UBXN2B: variants seen among roughly 807,000 people sequenced by gnomAD.
The protein encoded by UBXN2B is UBX domain-containing protein 2B.
A neutral mutation model predicts 37.5 loss-of-function variants in UBXN2B; 19 were observed. That is an observed-to-expected ratio of 0.51 (90% CI 0.35 to 0.74). The LOEUF (loss-of-function observed/expected upper bound fraction) is 0.74. Among genes scored for constraint, UBXN2B ranks in the 30% least tolerant of loss-of-function variants. The probability of loss-of-function intolerance (pLI) is 0.01; values close to 1 mark genes in which losing one functional copy is unlikely to be tolerated. For missense variants in UBXN2B, 370 were observed against 393.2 expected, an observed-to-expected ratio of 0.94 and a Z score of 0.50; for synonymous variants, 145 against 143.8, an observed-to-expected ratio of 1.01 and a Z score of -0.06.
chr8:58,424,374 G>C (rs1163951000), intron 2 of UBXN2B, among the ~76,000 whole-genome samples: 3 of 152,060 alleles, frequency 2.0e-5, no homozygotes, highest in Non-Finnish European at 4.4e-5. Context: ...TCTTATCTGA[G>C]GAAATGAGTA....
chr8:58,434,382 C>G lies in UBXN2B; in HGVS notation c.424-13C>G, dbSNP rs755465194. 4 of 1,061,918 alleles carry G rather than the reference C, an allele frequency of 3.8e-6. No homozygotes were observed. Among genetic ancestry groups the G allele is most frequent in the East Asian group, 3.5e-5 (1 of 28,202 alleles). 65.8% of individuals were successfully genotyped at this position (1,061,918 alleles called of 1,614,324 possible). The stretch of plus-strand genomic sequence containing the variant: ...ATATATATATATATTTTTTTTTTTT[C>G]TATACCCAAAAGGTTCAGATTTTGC... On this transcript the variant is annotated splice_polypyrimidine_tract_variant and intron_variant, in intron 4 of 7. Transcript: ENST00000399598.
At chr8:58,432,581 A>C (rs1283693400) in intron 3 of UBXN2B, among the ~76,000 whole-genome samples, 2 of 151,682 alleles carry the variant, frequency 1.3e-5, no homozygotes, top group Non-Finnish European at 2.9e-5. Flanking sequence ...ACGGGGTTTC[A>C]CCATGTTAGC....
intron 2 of UBXN2B, chr8:58,424,793 G>C: frequency 1.4e-6 from 2 of 1,445,898 alleles, no homozygotes; most frequent in Non-Finnish European, 1.9e-6. Context: ...TCAATCCTGC[G>C]CTGTAGTGTT....
intron 2 of UBXN2B, 52 bp downstream of exon 2, chr8:58,417,005 A>AT (rs1425148787): frequency 2.8e-6 from 4 of 1,419,068 alleles, no homozygotes; most frequent in Middle Eastern, 4.1e-4. Context: ...CTTTCTAAAA[A>AT]TTTACTAACT....
intron 5 of UBXN2B, 55 bp downstream of exon 5, chr8:58,434,559 A>C: frequency 7.9e-7 from 1 of 1,260,696 alleles, no homozygotes; most frequent in Non-Finnish European, 1.1e-6. Context: ...TTATTTTCTT[A>C]ACAGACTACT....
At chr8:58,435,643 C>T (rs1808394105) in intron 5 of UBXN2B, among the ~76,000 whole-genome samples, 1 of 152,090 alleles carries the variant, frequency 6.6e-6, no homozygotes, top group Admixed American at 6.5e-5. Flanking sequence ...AAACAAAGAA[C>T]ATATTGAGAA....
chr8:58,411,800 A>G (rs556605720), intron 1 of UBXN2B, among the ~76,000 whole-genome samples: 3 of 152,334 alleles, frequency 2.0e-5, no homozygotes, highest in African/African-American at 7.2e-5. Flanking sequence ...TCCAGAAGAA[A>G]GGTTACTGTG....
At chr8:58,440,561 A>T (rs1808515245) in intron 6 of UBXN2B, among the ~76,000 whole-genome samples, 2 of 152,224 alleles carry the variant, frequency 1.3e-5, no homozygotes, top group South Asian at 4.1e-4. Context: ...CCCATGGCTT[A>T]ATGTAATCTT....
At chr8:58,415,202 T>C (rs1585591884) in intron 1 of UBXN2B, among the ~76,000 whole-genome samples, 1 of 152,036 alleles carries the variant, frequency 6.6e-6, no homozygotes, top group Non-Finnish European at 1.5e-5. Context: ...AAAAAAGATA[T>C]TAAGAAGATT....
chr8:58,417,804 A>T (rs182624302), intron 2 of UBXN2B, among the ~76,000 whole-genome samples: 212 of 152,308 alleles, frequency 1.4e-3, no homozygotes, highest in African/African-American at 5.0e-3. Context: ...GAACTTGTGC[A>T]CGCATGTATT....
At chr8:58,426,101 T>A in intron 2 of UBXN2B, 1 of 1,381,238 alleles carries the variant, frequency 7.2e-7, no homozygotes, top group Non-Finnish European at 1.0e-6. Flanking sequence ...ATTCTTCTCT[T>A]TTAATTGCCC....
chr8:58,420,811 T>G (rs1807905958), intron 2 of UBXN2B, among the ~76,000 whole-genome samples: 1 of 152,234 alleles, frequency 6.6e-6, no homozygotes, highest in African/African-American at 2.4e-5. Flanking sequence ...AGAACAAATT[T>G]TTAATGATGA....
intron 5 of UBXN2B, chr8:58,435,205 T>C: frequency 8.5e-7 from 1 of 1,180,638 alleles, no homozygotes; most frequent in African/African-American, 1.6e-5. Context: ...AGAGTTTTAC[T>C]GTATATAACC....
At chr8:58,424,838 G>T in intron 2 of UBXN2B, 1 of 1,421,798 alleles carries the variant, frequency 7.0e-7, no homozygotes, top group Non-Finnish European at 9.9e-7. Flanking sequence ...TAGATAAATC[G>T]GTACTGTGTT....
At chr8:58,414,502 C>G (rs1181526491) in intron 1 of UBXN2B, among the ~76,000 whole-genome samples, 3 of 152,210 alleles carry the variant, frequency 2.0e-5, no homozygotes, top group Admixed American at 6.5e-5. Context: ...ACTTTACTTA[C>G]ATACTTTATC....
At chr8:58,412,560 T>TC (rs1486609178) in intron 1 of UBXN2B, among the ~76,000 whole-genome samples, 1 of 152,192 alleles carries the variant, frequency 6.6e-6, no homozygotes, top group East Asian at 1.9e-4. Context: ...GTAGAATAGT[T>TC]CCAGCTCCCA....
intron 2 of UBXN2B, chr8:58,426,811 G>C (rs1808108970): frequency 3.4e-6 from 2 of 588,836 alleles, no homozygotes; most frequent in African/African-American, 3.6e-5. Flanking sequence ...CCAGCCGACT[G>C]TGCACAGACC....
Position 58,433,201 on chromosome 8 carries a change from T to C in UBXN2B, c.381T>C (p.Cys127=), listed in dbSNP as rs757547826. Residue 127 remains cysteine (C), a synonymous_variant, in exon 4 of 8, where the codon TGT becomes TGC. Transcript: ENST00000399598. ...GATACAGATTGGGTAGTTCTTTTTGTAAGCGGTCTGAATATATCTATGGAG... is the reference window on the plus strand; with the variant it reads ...GATACAGATTGGGTAGTTCTTTTTGCAAGCGGTCTGAATATATCTATGGAG... The part of the protein sequence containing the change: ...GGGYRLGSSF[C]KRSEYIYGEN... The C allele has an allele frequency of 3.1e-6, 5 of 1,613,332 alleles. No homozygotes were observed. In the Admixed American group the frequency reaches 6.7e-5, roughly 22 times the overall value.
At chr8:58,425,377 C>T in intron 2 of UBXN2B, 1 of 1,131,210 alleles carries the variant, frequency 8.8e-7, no homozygotes, top group South Asian at 1.2e-5. Context: ...TTGCAGGCAG[C>T]CTTGTGTGGC....
Sources: gnomAD v4.1 joint callset for allele counts (sites outside exome capture counted in the v4.1 genomes callset) on GRCh38, gnomAD v4.1.1 for gene constraint, MANE v1.5 for transcripts, NCBI Gene and HGNC (gene_info 2026-07-23, HGNC 2026-07-21) for gene names.